The following CORIN variants were observed in gnomAD, a reference collection of about 807,000 sequenced individuals.
The protein encoded by CORIN is atrial natriuretic peptide-converting enzyme.
CORIN carries 117 observed loss-of-function variants against 125.3 expected under a neutral mutation model. The observed-to-expected ratio is 0.93, with a 90% CI of 0.80 to 1.09. CORIN has a LOEUF of 1.09. Among genes scored for constraint, CORIN ranks in the 50% least tolerant of loss-of-function variants. The probability of loss-of-function intolerance (pLI) is 0.00; values close to 1 mark genes in which losing one functional copy is unlikely to be tolerated. For missense variants in CORIN, 1,253 were observed against 1,306.7 expected (o/e 0.96, Z 0.63); for synonymous variants, 450 against 466.4 (o/e 0.96, Z 0.45).
At chr4:47,803,274 T>C (rs1395336091) in intron 2 of CORIN, among the ~76,000 whole-genome samples, 5 of 152,192 alleles carry the variant, frequency 3.3e-5, no homozygotes, top group Non-Finnish European at 7.3e-5. Flanking sequence ...AACATTTCCA[T>C]AGTACTCAAA....
intron 5 of CORIN, among the ~76,000 whole-genome samples, chr4:47,737,088 T>C (rs3886431): frequency 0.15 from 22,661 of 152,128 alleles, 2,314 homozygotes; most frequent in African/African-American, 0.28. Flanking sequence ...TTGGAACTAC[T>C]CAAGGAGGAA....
chr4:47,719,849 A>G (rs1300595189), intron 5 of CORIN, among the ~76,000 whole-genome samples: 1 of 152,210 alleles, frequency 6.6e-6, no homozygotes, highest in Non-Finnish European at 1.5e-5. Flanking sequence ...GCAATTTCAG[A>G]AAACATTTTC....
chr4:47,784,112 T>C (rs1730676262), intron 3 of CORIN, among the ~76,000 whole-genome samples: 1 of 152,158 alleles, frequency 6.6e-6, no homozygotes, highest in Admixed American at 6.5e-5. Context: ...TGGGGTATGC[T>C]ACTACCTGTC....
Position 47,665,029 on chromosome 4 carries a change from T to C in CORIN, c.1589+3A>G. 6.3e-7 allele frequency: 1 copy of C among 1,588,830 alleles called. No individual in the cohort carries two copies. The highest frequency in any genetic ancestry group is 8.6e-7 in the Non-Finnish European group (1 of 1,157,268). On this transcript the variant is annotated splice_donor_region_variant and intron_variant, in intron 11 of 21. Coordinates refer to ENST00000273857, the MANE Select transcript of CORIN (RefSeq NM_006587.4). Reference sequence around the variant, plus strand: ...GGGACTGGGGTAGATCCCATCATATTACCTGCAAGGAGGGATATGCTCGCC... The same window carrying C: ...GGGACTGGGGTAGATCCCATCATATCACCTGCAAGGAGGGATATGCTCGCC...
Position 47,786,900 on chromosome 4 carries a change from T to C in CORIN, c.234A>G (p.Lys78=). The C allele has an allele frequency of 6.2e-7, 1 of 1,613,082 alleles. No individual in the cohort carries two copies. The part of the protein sequence containing the change: ...YVGTLQKVYF[K]SNGSEPLVTD... ...TGACCAAAGGTTCACTCCCATTTGA[T>C]TTAAAATAGACCTTTTGTAATGTTC... The change falls in exon 3 of 22, where the codon AAA becomes AAG. Residue 78 remains lysine (K), a synonymous_variant. Transcript: ENST00000273857.
At chr4:47,829,805 G>T (rs571325993) in intron 1 of CORIN, among the ~76,000 whole-genome samples, 1 of 152,314 alleles carries the variant, frequency 6.6e-6, no homozygotes, top group South Asian at 2.1e-4. Context: ...AAATGGGACA[G>T]TGTCCTGCTC....
intron 5 of CORIN, among the ~76,000 whole-genome samples, chr4:47,697,351 G>A (rs1024475321): frequency 6.6e-6 from 1 of 152,102 alleles, no homozygotes; most frequent in African/African-American, 2.4e-5. Flanking sequence ...TAGATGGAAG[G>A]CCCTTCATTC....
Position 47,677,858 on chromosome 4 carries a change from GC to G in CORIN, c.1249+79del, listed in dbSNP as rs1317887815. ...TTATTTACATGGGAATCCTACTTAA[GC>G]AACTTCAAATGTGTTCCTTTGTTCC... On this transcript the variant is annotated intron_variant, in intron 9 of 21. Transcript: ENST00000273857. 3 of 1,002,408 alleles carry G rather than the reference GC, an allele frequency of 3.0e-6. No individual in the cohort carries two copies. The East Asian group carries it at 7.2e-5, about 24-fold the overall frequency. The allele number at this position is 1,002,408 out of a possible 1,614,324, so 62.1% of individuals were successfully genotyped here.
intron 3 of CORIN, among the ~76,000 whole-genome samples, chr4:47,785,780 C>T (rs1323223283): frequency 2.0e-5 from 3 of 151,740 alleles, no homozygotes; most frequent in Admixed American, 6.6e-5. Context: ...GGCATGGTGG[C>T]GCATGCCTGT....
chr4:47,621,646 C>T (rs559992209), intron 19 of CORIN, among the ~76,000 whole-genome samples: 1 of 152,222 alleles, frequency 6.6e-6, no homozygotes, highest in South Asian at 2.1e-4. Context: ...TTTTATTCTT[C>T]TGCTCTCTTT....
intron 5 of CORIN, among the ~76,000 whole-genome samples, chr4:47,719,769 GAAT>G (rs1727263649): frequency 6.6e-6 from 1 of 152,170 alleles, no homozygotes; most frequent in South Asian, 2.1e-4. Context: ...CAACTGAAAA[GAAT>G]AATATTTCAT....
chr4:47,598,563 A>C (rs1721336550), intron 21 of CORIN, among the ~76,000 whole-genome samples: 3 of 152,160 alleles, frequency 2.0e-5, no homozygotes, highest in African/African-American at 7.2e-5. Context: ...CCAAGAGATG[A>C]TCTTGAACAT....
intron 1 of CORIN, among the ~76,000 whole-genome samples, chr4:47,825,462 A>G (rs902041465): frequency 6.6e-6 from 1 of 152,218 alleles, no homozygotes; most frequent in Non-Finnish European, 1.5e-5. Context: ...CCAGCGATCC[A>G]TGTTGGATCA....
chr4:47,738,872 AGATT>A (rs1207252344), intron 5 of CORIN, among the ~76,000 whole-genome samples: 1 of 151,802 alleles, frequency 6.6e-6, no homozygotes, highest in Admixed American at 6.6e-5. Flanking sequence ...AAAGATATAT[AGATT>A]ATTTTAAAAT....
chr4:47,762,001 T>C (rs953077943), intron 4 of CORIN, among the ~76,000 whole-genome samples: 2 of 151,966 alleles, frequency 1.3e-5, no homozygotes, highest in African/African-American at 4.8e-5. Context: ...TATATACATA[T>C]ATACACACAT....
rs1414591039 is a variant in CORIN at position 47,805,145 on chromosome 4, AAAAAATAAT to A, written c.208+1749_208+1757del. ...AGCGAGACTCCATCTCAAAAAAAAA[AAAAAATAAT>A]AATAATAATAATAATAATAGAGTAT... On this transcript the variant is annotated intron_variant, in intron 2 of 21. Transcript: ENST00000273857. 1.8e-4 allele frequency among the ~76,000 whole-genome samples: 26 copies of A among 144,232 alleles called. No homozygotes were observed. The East Asian group carries it at 2.6e-3, about 14-fold the overall frequency. The allele number at this position is 144,232 out of a possible 152,430, so 94.6% of individuals were successfully genotyped here.
At chr4:47,696,125 T>C (rs748328436) in intron 5 of CORIN, among the ~76,000 whole-genome samples, 2 of 152,190 alleles carry the variant, frequency 1.3e-5, no homozygotes, top group Admixed American at 6.5e-5. Context: ...GAGATGACAT[T>C]CCATGTCAGT....
chr4:47,759,391 T>C (rs1258773594), intron 4 of CORIN, among the ~76,000 whole-genome samples: 2 of 152,056 alleles, frequency 1.3e-5, no homozygotes, highest in Admixed American at 6.5e-5. Context: ...TAAAAGCTTC[T>C]GCACAGCAAA....
chr4:47,684,288 C>A (rs1725417694), intron 6 of CORIN, among the ~76,000 whole-genome samples: 1 of 152,162 alleles, frequency 6.6e-6, no homozygotes, highest in African/African-American at 2.4e-5. Flanking sequence ...TTTCCTTTCA[C>A]ATAAACATTA....
Sources: gnomAD v4.1 joint callset for allele counts (sites outside exome capture counted in the v4.1 genomes callset) on GRCh38, gnomAD v4.1.1 for gene constraint, MANE v1.5 for transcripts, NCBI Gene and HGNC (gene_info 2026-07-23, HGNC 2026-07-21) for gene names.